PTPRD: variants seen among roughly 807,000 people sequenced by gnomAD.
PTPRD encodes the protein receptor-type tyrosine-protein phosphatase delta.
In PTPRD, 34 loss-of-function variants were observed where a neutral mutation model predicts 214.5. The ratio of observed to expected loss-of-function variants is 0.16; its 90% CI spans 0.12 to 0.21. The LOEUF is 0.21. PTPRD is among the 10% of genes least tolerant of loss of function. The pLI, the probability that PTPRD is intolerant of heterozygous loss-of-function variation, is 1.00. For synonymous variants in PTPRD, 1,128 were observed against 845.7 expected (o/e 1.33, Z -5.79); for missense variants, 2,545 against 2,398.7 (o/e 1.06, Z -1.27).
rs143604173 is a variant in PTPRD, at chr9:10,405,091, A to AACTTAAG, written c.-599-64075_-599-64074insCTTAAGT. ...GCAATCTCATCACATGCTTGGATTAACCAACAATTAACTGGCTATCGGCAT... is the reference window on the plus strand; with the variant it reads ...GCAATCTCATCACATGCTTGGATTAAACTTAAGCCAACAATTAACTGGCTATCGGCAT... On this transcript the variant is annotated intron_variant, in intron 2 of 45. Coordinates refer to ENST00000381196, the MANE Select transcript of PTPRD (RefSeq NM_002839.4). Among the ~76,000 whole-genome samples the AACTTAAG allele has an allele frequency of 1.5e-4, 2 of 13,458 alleles. 1 individual carries two copies. Among genetic ancestry groups the AACTTAAG allele is most frequent in the African/African-American group, 3.1e-4 (2 of 6,476 alleles). The allele number at this position is 13,458 out of a possible 152,430, so 8.8% of individuals were successfully genotyped here. A position where few individuals can be genotyped will look rare whatever the true frequency, so the allele number is the denominator to read the frequency against.
chr9:10,333,548 C>G (rs2096790224), intron 3 of PTPRD, among the ~76,000 whole-genome samples: 1 of 151,720 alleles, frequency 6.6e-6, no homozygotes, highest in Admixed American at 6.6e-5. Flanking sequence ...TTTCTAATTT[C>G]ATTTTTGAGG....
chr9:10,262,263 A>G (rs2093747348), intron 3 of PTPRD, among the ~76,000 whole-genome samples: 2 of 152,208 alleles, frequency 1.3e-5, no homozygotes, highest in South Asian at 4.1e-4. Flanking sequence ...AGGGACTACA[A>G]ACTATAAAAT....
chr9:10,243,077 G>A (rs2091425250), intron 3 of PTPRD, among the ~76,000 whole-genome samples: 1 of 151,922 alleles, frequency 6.6e-6, no homozygotes, highest in Admixed American at 6.6e-5. Flanking sequence ...AGGCAATTTA[G>A]TTCCATTGTC....
chr9:9,920,218 AAC>A lies in PTPRD; in HGVS notation c.-368+18287_-368+18288del, dbSNP rs1475224122. 5.3e-5 allele frequency among the ~76,000 whole-genome samples: 8 copies of A among 152,226 alleles called. 1 individual carries two copies. In the South Asian group the frequency reaches 1.7e-3, roughly 32 times the overall value. The stretch of plus-strand genomic sequence containing the variant: ...AACGTTGAAGGATATTAGAAAACAG[AAC>A]AGTTTGTTTACCTCAGCTTTTTGTG... On this transcript the variant is annotated intron_variant, in intron 5 of 45. Transcript: ENST00000381196.
chr9:9,617,331 G>A (rs1410257891), intron 7 of PTPRD, among the ~76,000 whole-genome samples: 1 of 152,114 alleles, frequency 6.6e-6, no homozygotes, highest in Non-Finnish European at 1.5e-5. Flanking sequence ...TGGAGGTAGA[G>A]TTATGAAAAG....
chr9:8,405,750 T>A (rs1320148166), intron 35 of PTPRD, among the ~76,000 whole-genome samples: 2 of 152,194 alleles, frequency 1.3e-5, no homozygotes, highest in Non-Finnish European at 2.9e-5. Context: ...GGTAATTTTT[T>A]TAAAATATAC....
At position 8,713,782 on chromosome 9, in the gene PTPRD, G is replaced by A; in HGVS notation, c.64+19998C>T. The A allele has an allele frequency of 3.9e-6, 6 of 1,538,686 alleles. No individual in the cohort carries two copies. The South Asian group carries it at 5.8e-5, about 15-fold the overall frequency. ...GATCAAGTTCCCGCTGCCCCACCGG[G>A]TCCTGCGCCTTCAGCACAAGCCACG... On this transcript the variant is annotated intron_variant, in intron 12 of 45. Coordinates refer to ENST00000381196, the MANE Select transcript of PTPRD (RefSeq NM_002839.4).
At chr9:8,363,175 G>A (rs914241111) in intron 39 of PTPRD, among the ~76,000 whole-genome samples, 5 of 152,122 alleles carry the variant, frequency 3.3e-5, no homozygotes, top group African/African-American at 1.2e-4. Flanking sequence ...TTACCATTGT[G>A]ACCATTTGAG....
chr9:9,143,024 AG>A (rs2099862895), intron 10 of PTPRD, among the ~76,000 whole-genome samples: 1 of 151,980 alleles, frequency 6.6e-6, no homozygotes. Flanking sequence ...CTCTCCACAA[AG>A]CTTTCTGTCT....
At chr9:9,445,551 G>A (rs570937464) in intron 8 of PTPRD, among the ~76,000 whole-genome samples, 1 of 152,116 alleles carries the variant, frequency 6.6e-6, no homozygotes, top group Non-Finnish European at 1.5e-5. Context: ...TTACAATCAT[G>A]GCGGAAGGGG....
At chr9:9,577,817 G>A (rs894808247) in intron 7 of PTPRD, among the ~76,000 whole-genome samples, 59 of 151,984 alleles carry the variant, frequency 3.9e-4, no homozygotes, top group Non-Finnish European at 6.9e-4. Flanking sequence ...AGGCTGAGGC[G>A]GGTGGATCAC....
intron 7 of PTPRD, among the ~76,000 whole-genome samples, chr9:9,590,829 G>T (rs954492247): frequency 5.9e-5 from 9 of 151,982 alleles, no homozygotes; most frequent in African/African-American, 1.7e-4. Flanking sequence ...GTCCCTTAGA[G>T]GTTAATGATA....
intron 13 of PTPRD, among the ~76,000 whole-genome samples, chr9:8,634,605 A>C (rs1231094038): frequency 6.6e-6 from 1 of 152,000 alleles, no homozygotes; most frequent in Non-Finnish European, 1.5e-5. Flanking sequence ...TTTATTTTCA[A>C]CTCTATAAAG....
At position 8,319,524 on chromosome 9, in the gene PTPRD, T is replaced by C. The variant is rs193000112; in HGVS notation, c.5670+307A>G. ...TGCTTTCTATATATTTATATATTTA[T>C]ATTATAGGACTATGAATATAACGAA... On this transcript the variant is annotated intron_variant, in intron 45 of 45. Transcript: ENST00000381196. 1.4e-3 allele frequency among the ~76,000 whole-genome samples: 208 copies of C among 152,046 alleles called. 1 individual carries two copies. Among genetic ancestry groups the C allele is most frequent in the African/African-American group, 4.2e-3 (175 of 41,530 alleles).
intron 9 of PTPRD, among the ~76,000 whole-genome samples, chr9:9,389,347 C>T (rs1160501293): frequency 6.6e-6 from 1 of 152,000 alleles, no homozygotes; most frequent in African/African-American, 2.4e-5. Context: ...CCCATCTCTA[C>T]TAAAAATACA....
At chr9:8,965,722 T>G (rs1275186016) in intron 11 of PTPRD, among the ~76,000 whole-genome samples, 1 of 152,098 alleles carries the variant, frequency 6.6e-6, no homozygotes, top group African/African-American at 2.4e-5. Context: ...CCTTGAGAAC[T>G]GGAAGAAAAC....
At chr9:10,235,974 C>A (rs1176007363) in intron 3 of PTPRD, among the ~76,000 whole-genome samples, 3 of 151,866 alleles carry the variant, frequency 2.0e-5, no homozygotes, top group African/African-American at 7.2e-5. Context: ...GTTCTGGGAA[C>A]TAGCCTGCTT....
chr9:8,461,296 T>C lies in PTPRD; in HGVS notation c.3715-725A>G, dbSNP rs556852661. ...ATTCAGCAGTTCTCACTTAGTTTTATTACAGTTATTGCTCAGAGATTGGTA... is the reference window on the plus strand; with the variant it reads ...ATTCAGCAGTTCTCACTTAGTTTTACTACAGTTATTGCTCAGAGATTGGTA... On this transcript the variant is annotated intron_variant, in intron 32 of 45. Transcript: ENST00000381196. Among the ~76,000 whole-genome samples, 7 of 152,238 alleles carry C rather than the reference T, an allele frequency of 4.6e-5. No individual in the cohort carries two copies. The South Asian group carries it at 1.5e-3, about 32-fold the overall frequency.
chr9:8,339,451 T>G (rs1386674085), intron 42 of PTPRD, among the ~76,000 whole-genome samples: 2 of 152,156 alleles, frequency 1.3e-5, no homozygotes, highest in Non-Finnish European at 2.9e-5. Context: ...TGGTTTGGAA[T>G]GAAGAGAACC....
Sources: allele counts gnomAD v4.1 joint callset (sites outside exome capture counted in the v4.1 genomes callset), GRCh38; gene constraint gnomAD v4.1.1; transcripts MANE v1.5; gene names NCBI Gene and HGNC (gene_info 2026-07-23, HGNC 2026-07-21).